Variants in COL4A3 observed in about 807,000 individuals in gnomAD.
COL4A3 encodes the protein collagen alpha-3(IV) chain.
Under a neutral mutation model 217.4 loss-of-function variants are expected in COL4A3, and 135 were observed. The observed-to-expected ratio is 0.62, with a 90% CI of 0.54 to 0.72. The LOEUF (loss-of-function observed/expected upper bound fraction) is 0.72, where lower values mean the gene tolerates loss of function less well. Among genes scored for constraint, COL4A3 ranks in the 30% least tolerant of loss-of-function variants. The pLI is 0.00. For synonymous variants in COL4A3, 690 were observed against 736.3 expected, an observed-to-expected ratio of 0.94 and a Z score of 1.02; for missense variants, 1,868 against 2,119.9, an observed-to-expected ratio of 0.88 and a Z score of 2.33.
chr2:227,277,423 G>C (rs2071645744), intron 27 of COL4A3, 26 bp from the exon 28 acceptor site: 1 of 1,373,000 alleles, frequency 7.3e-7, no homozygotes, highest in African/African-American at 1.4e-5. Context: ...CTGATGTGGA[G>C]ATGCATATGT....
intron 26 of COL4A3, among the ~76,000 whole-genome samples, chr2:227,274,055 A>G (rs527411208): frequency 6.6e-6 from 1 of 152,056 alleles, no homozygotes; most frequent in South Asian, 2.1e-4. Flanking sequence ...GGGTCAACAT[A>G]GCGAACCCCC....
chr2:227,311,064 C>T, intron 51 of COL4A3, 116 bp downstream of exon 51: 1 of 1,047,056 alleles, frequency 9.6e-7, no homozygotes, highest in Non-Finnish European at 1.5e-6. Flanking sequence ...CCAATAAAGA[C>T]AAAATATGGG....
Position 227,312,926 on chromosome 2 carries a change from TAA to T in COL4A3, c.*1069_*1070del, listed in dbSNP as rs11297279. Reference sequence around the variant, plus strand: ...TGTTACTTCTCTAATTCTTCCTTTGTAAAAAAAAAAAAAAGCAACACTTTTTA... The same window carrying T: ...TGTTACTTCTCTAATTCTTCCTTTGTAAAAAAAAAAAAGCAACACTTTTTA... On this transcript the variant is annotated 3_prime_UTR_variant, in exon 52 of 52. Transcript: ENST00000396578. 174 of 145,352 alleles carry T rather than the reference TAA, an allele frequency of 1.2e-3. No homozygotes were observed. The highest frequency in any genetic ancestry group is 1.4e-3 in the Non-Finnish European group (92 of 66,160). The allele number at this position is 145,352 out of a possible 1,614,324, so 9.0% of individuals were successfully genotyped here.
intron 1 of COL4A3, among the ~76,000 whole-genome samples, chr2:227,174,057 A>AAGCAC (rs1196751855): frequency 6.6e-6 from 1 of 152,232 alleles, no homozygotes; most frequent in East Asian, 1.9e-4. Flanking sequence ...AAACACTTTA[A>AAGCAC]TTGAAGGCAA....
intron 1 of COL4A3, among the ~76,000 whole-genome samples, chr2:227,178,433 T>A (rs540079253): frequency 6.6e-6 from 1 of 151,954 alleles, no homozygotes; most frequent in South Asian, 2.1e-4. Flanking sequence ...ATATATAGAG[T>A]TCCATACTCT....
At position 227,293,193 on chromosome 2, in the gene COL4A3, G is replaced by T. The variant is rs953035568; in HGVS notation, c.3213G>T (p.Gly1071=). 6.2e-7 allele frequency: 1 copy of T among 1,613,744 alleles called. No individual in the cohort carries two copies. Among genetic ancestry groups the T allele is most frequent in the African/African-American group, 1.3e-5 (1 of 74,896 alleles). The change falls in exon 38 of 52, where the codon GGG becomes GGT. Residue 1071 remains glycine (G), a splice_region_variant and synonymous_variant. Transcript: ENST00000396578. ...GTRPGPPGPT[G]DPGLPGDMGK... is the part of the protein sequence containing the mutation. ...AAAGGTATTTGACTACATTTAAGGGGGATCCAGGACTGCCGGGTGATATGG... is the reference window on the plus strand; with the variant it reads ...AAAGGTATTTGACTACATTTAAGGGTGATCCAGGACTGCCGGGTGATATGG...
intron 47 of COL4A3, chr2:227,305,662 C>CAAA (rs60985480): frequency 7.2e-6 from 1 of 139,030 alleles, no homozygotes; most frequent in African/African-American, 2.8e-5. Context: ...GACTCTGTCT[C>CAAA]AAAAAAAAAA....
At position 227,270,910 on chromosome 2, in the gene COL4A3, A is replaced by C. The variant is rs765818309; in HGVS notation, c.1716A>C (p.Gly572=). The C allele has an allele frequency of 6.2e-7, 1 of 1,614,154 alleles. No homozygotes were observed. Among genetic ancestry groups the C allele is most frequent in the Non-Finnish European group, 8.5e-7 (1 of 1,180,024 alleles). The change falls in exon 25 of 52, where the codon GGA becomes GGC. Residue 572 remains glycine (G), a synonymous_variant. Coordinates refer to ENST00000396578, the MANE Select transcript of COL4A3 (RefSeq NM_000091.5). ...PGRKGLDGIP[G]TPGVKGLPGP... is the part of the protein sequence containing the mutation. ...GAAAGGGCTTGGATGGAATTCCTGG[A>C]ACTCCGGGAGTGAAAGGATTACCAG...
At chr2:227,298,649 C>A (rs2073139801) in intron 42 of COL4A3, 33 bp from the exon 43 acceptor site, 1 of 1,612,548 alleles carries the variant, frequency 6.2e-7, no homozygotes, top group African/African-American at 1.3e-5. Flanking sequence ...AGCTCCCTGG[C>A]TGGCAATACT....
intron 1 of COL4A3, 38 bp from the exon 2 acceptor site, chr2:227,237,930 G>T (rs1213037473): frequency 1.1e-5 from 16 of 1,503,106 alleles, no homozygotes; most frequent in African/African-American, 2.8e-5. Context: ...TTATTCAGCT[G>T]TTTCTAAACA....
At chr2:227,278,391 C>A (rs1009680459) in intron 28 of COL4A3, among the ~76,000 whole-genome samples, 1 of 152,124 alleles carries the variant, frequency 6.6e-6, no homozygotes, top group Non-Finnish European at 1.5e-5. Flanking sequence ...AGTTTTATGA[C>A]AATTTCATGT....
chr2:227,246,713 G>A lies in COL4A3; in HGVS notation c.416G>A (p.Gly139Glu), dbSNP rs2125911862. ...KGEQGFPGLP[G>E]TLGYPGIPGA... is the part of the protein sequence containing the mutation. ...GAGCAGGGGTTTCCAGGACTCCCAGGGACACTGGGCTACCCAGGGATCCCG... is the reference window on the plus strand; with the variant it reads ...GAGCAGGGGTTTCCAGGACTCCCAGAGACACTGGGCTACCCAGGGATCCCG... The change falls in exon 7 of 52, where the codon GGG becomes GAG. Residue 139 changes from glycine to glutamate, a missense_variant. By Grantham distance (98) the Gly-to-Glu change is moderately conservative. Coordinates refer to ENST00000396578, the MANE Select transcript of COL4A3 (RefSeq NM_000091.5). 1 of 1,612,700 alleles carries A rather than the reference G, an allele frequency of 6.2e-7. No individual in the cohort carries two copies. The highest frequency in any genetic ancestry group is 8.5e-7 in the Non-Finnish European group (1 of 1,178,892).
chr2:227,280,803 G>GA, intron 30 of COL4A3, 90 bp from the exon 31 acceptor site: 1 of 1,116,982 alleles, frequency 9.0e-7, no homozygotes. Flanking sequence ...GATTTAGGTG[G>GA]AAAAAAAGTT....
intron 33 of COL4A3, 128 bp downstream of exon 33, chr2:227,283,984 T>G (rs2072156284): frequency 1.0e-6 from 1 of 994,280 alleles, no homozygotes; most frequent in African/African-American, 1.6e-5. Context: ...TTGATTTTGC[T>G]GTTTTCTATG....
intron 1 of COL4A3, among the ~76,000 whole-genome samples, chr2:227,169,885 C>A (rs1339304168): frequency 6.6e-6 from 1 of 152,090 alleles, no homozygotes; most frequent in African/African-American, 2.4e-5. Context: ...GTCCCTCCAC[C>A]AATACCACAC....
chr2:227,254,485 T>C (rs565512963), intron 14 of COL4A3, among the ~76,000 whole-genome samples, 171 bp from the exon 15 acceptor site: 1 of 152,348 alleles, frequency 6.6e-6, no homozygotes, highest in South Asian at 2.1e-4. Flanking sequence ...TCAGCTTTTT[T>C]AGCATCTGTT....
Position 227,312,053 on chromosome 2 carries a change from G to T in COL4A3, c.*183G>T, listed in dbSNP as rs2073762007. ...CTTTCAAGTCAGTTCTGTGATCTGGGTCTCTAATCTGTGCTGTTTCAAAGT... is the reference window on the plus strand; with the variant it reads ...CTTTCAAGTCAGTTCTGTGATCTGGTTCTCTAATCTGTGCTGTTTCAAAGT... On this transcript the variant is annotated 3_prime_UTR_variant, in exon 52 of 52. Transcript: ENST00000396578. 1 of 1,095,768 alleles carries T rather than the reference G, an allele frequency of 9.1e-7. No individual in the cohort carries two copies. Among genetic ancestry groups the T allele is most frequent in the Admixed American group, 2.4e-5 (1 of 41,326 alleles). The allele number at this position is 1,095,768 out of a possible 1,614,324, so 67.9% of individuals were successfully genotyped here. A position where few individuals can be genotyped will look rare whatever the true frequency, so the allele number is the denominator to read the frequency against.
intron 26 of COL4A3, among the ~76,000 whole-genome samples, chr2:227,274,045 G>A (rs1044790055): frequency 1.3e-5 from 2 of 151,834 alleles, no homozygotes; most frequent in Non-Finnish European, 2.9e-5. Context: ...AAGACCAGCC[G>A]GGTCAACATA....
At position 227,267,046 on chromosome 2, in the gene COL4A3, C is replaced by G; in HGVS notation, c.1462C>G (p.Leu488Val). 1 of 1,614,036 alleles carries G rather than the reference C, an allele frequency of 6.2e-7. No homozygotes were observed. The highest frequency in any genetic ancestry group is 8.5e-7 in the Non-Finnish European group (1 of 1,179,940). ...QCPYIPGPPG[L>V]PGLPGLHGVK... is the part of the protein sequence containing the mutation. ...CCCTTATATCCCAGGGCCTCCCGGT[C>G]TCCCAGGATTGCCAGGGTTACATGG... The change falls in exon 23 of 52, where the codon CTC (leucine) becomes GTC (valine). Residue 488 changes from leucine (L) to valine (V), a missense_variant. Around this residue, in one of 2 missense-constraint regions of COL4A3, gnomAD observed 1,503 missense variants for 1,786.1 expected, o/e 0.84. Transcript: ENST00000396578.
Sources: allele counts gnomAD v4.1 joint callset (sites outside exome capture counted in the v4.1 genomes callset), GRCh38; gene constraint gnomAD v4.1.1; regional missense constraint gnomAD v4.1.1; transcripts MANE v1.5; gene names NCBI Gene and HGNC (gene_info 2026-07-23, HGNC 2026-07-21).